Variants in MYO16 observed in about 807,000 individuals in gnomAD.
MYO16 encodes unconventional myosin-XVI.
In MYO16, 94 loss-of-function variants were observed where a neutral mutation model predicts 205.3. That is an observed-to-expected ratio of 0.46 (90% CI 0.39 to 0.54). The LOEUF is 0.54. Among genes scored for constraint, MYO16 ranks in the 20% least tolerant of loss-of-function variants. The pLI is 0.00. For missense variants in MYO16, 2,315 were observed against 2,387.5 expected, an observed-to-expected ratio of 0.97 and a Z score of 0.63; for synonymous variants, 988 against 954.0, an observed-to-expected ratio of 1.04 and a Z score of -0.66.
intron 23 of MYO16, among the ~76,000 whole-genome samples, chr13:109,028,065 G>T (rs9587755): frequency 0.017 from 2,569 of 152,114 alleles, 76 homozygotes; most frequent in African/African-American, 0.059. Context: ...GTTAGAATGT[G>T]TATTTTTATA....
chr13:108,957,847 ATT>A, intron 17 of MYO16, 48 bp downstream of exon 17: 1 of 1,409,802 alleles, frequency 7.1e-7, no homozygotes, highest in Non-Finnish European at 9.9e-7. Context: ...CCTTCTACTA[ATT>A]TATAAAAGTT....
intron 16 of MYO16, among the ~76,000 whole-genome samples, chr13:108,922,843 A>G (rs1881809607): frequency 1.3e-5 from 2 of 152,216 alleles, no homozygotes; most frequent in Admixed American, 1.3e-4. Flanking sequence ...TTAAAATGAC[A>G]ATAACCAACA....
chr13:108,763,805 G>A (rs1885691841), intron 4 of MYO16, among the ~76,000 whole-genome samples: 1 of 151,640 alleles, frequency 6.6e-6, no homozygotes, highest in Admixed American at 6.6e-5. Context: ...GTGTGTGTGT[G>A]TGTGTGTGTG....
At chr13:108,902,954 C>A (rs1286886944) in intron 15 of MYO16, among the ~76,000 whole-genome samples, 2 of 152,164 alleles carry the variant, frequency 1.3e-5, no homozygotes, top group African/African-American at 2.4e-5. Flanking sequence ...GTGATGAAAT[C>A]TCCTGCCCTC....
the MYO16 span, among the ~76,000 whole-genome samples, chr13:108,582,195 T>C: frequency 6.6e-6 from 1 of 152,218 alleles, no homozygotes; most frequent in Non-Finnish European, 1.5e-5. Flanking sequence ...GGACCTTCTC[T>C]TGACCGTTTG....
chr13:108,969,415 A>G (rs1883921674), intron 20 of MYO16, among the ~76,000 whole-genome samples: 1 of 152,218 alleles, frequency 6.6e-6, no homozygotes, highest in Non-Finnish European at 1.5e-5. Context: ...GAACCCATAC[A>G]TAGATTCCCA....
At chr13:108,886,340 T>C in intron 13 of MYO16, 1 of 451,474 alleles carries the variant, frequency 2.2e-6, no homozygotes, top group Non-Finnish European at 4.5e-6. Context: ...CCCCTTATTT[T>C]GAAAAAATAC....
intron 4 of MYO16, among the ~76,000 whole-genome samples, chr13:108,778,756 G>A (rs1886206963): frequency 6.6e-6 from 1 of 152,248 alleles, no homozygotes; most frequent in African/African-American, 2.4e-5. Context: ...ACTGGACATG[G>A]TACTTCAGCA....
At chr13:108,627,761 T>C (rs1347004452), upstream of MYO16, among the ~76,000 whole-genome samples, 1 of 152,204 alleles carries the variant, frequency 6.6e-6, no homozygotes, top group Non-Finnish European at 1.5e-5. Context: ...CTGAGTGTTA[T>C]GCTTTTTTTC....
intron 10 of MYO16, among the ~76,000 whole-genome samples, chr13:108,852,924 G>T (rs1322043110): frequency 6.6e-6 from 1 of 152,214 alleles, no homozygotes; most frequent in Admixed American, 6.5e-5. Context: ...TACAACTGGG[G>T]TTTAAACACT....
intron 7 of MYO16, among the ~76,000 whole-genome samples, chr13:108,811,241 A>G (rs780082316): frequency 2.6e-5 from 4 of 152,194 alleles, no homozygotes; most frequent in Non-Finnish European, 5.9e-5. Flanking sequence ...ACCCAAGTGT[A>G]TAAAAATTAA....
At chr13:109,087,974 A>T (rs1888490133) in intron 27 of MYO16, among the ~76,000 whole-genome samples, 1 of 152,230 alleles carries the variant, frequency 6.6e-6, no homozygotes, top group South Asian at 2.1e-4. Context: ...AATACAAGCC[A>T]TGGCTCAGCC....
At chr13:109,174,234 C>T (rs139510493) in intron 33 of MYO16, among the ~76,000 whole-genome samples, 9 of 152,064 alleles carry the variant, frequency 5.9e-5, no homozygotes, top group South Asian at 4.1e-4. Context: ...ATTCTATAAG[C>T]GGATTTGGAG....
At chr13:108,678,048 G>T (rs1310136016) in intron 2 of MYO16, among the ~76,000 whole-genome samples, 3 of 152,202 alleles carry the variant, frequency 2.0e-5, no homozygotes, top group African/African-American at 7.2e-5. Flanking sequence ...GATGATCACT[G>T]CCTCTGACAG....
intron 32 of MYO16, among the ~76,000 whole-genome samples, chr13:109,158,221 G>C (rs1020229139): frequency 1.3e-5 from 2 of 152,088 alleles, no homozygotes; most frequent in Admixed American, 1.3e-4. Flanking sequence ...TCTTGGTTTG[G>C]AGCAAGGACT....
chr13:108,566,921 A>G, the MYO16 span, among the ~76,000 whole-genome samples: 1 of 152,316 alleles, frequency 6.6e-6, no homozygotes. Flanking sequence ...CAATTAGAAC[A>G]ATTTGACTAG....
the MYO16 span, among the ~76,000 whole-genome samples, chr13:108,532,587 A>G: frequency 2.0e-5 from 3 of 151,858 alleles, no homozygotes; most frequent in Non-Finnish European, 4.4e-5. Flanking sequence ...GAACCCAGGA[A>G]TTGAAAACCA....
chr13:108,950,916 C>T (rs1450932237), intron 16 of MYO16, among the ~76,000 whole-genome samples: 2 of 152,154 alleles, frequency 1.3e-5, no homozygotes, highest in East Asian at 3.9e-4. Context: ...ACTGTGCTCC[C>T]AGTTTTTGAT....
At chr13:108,667,002 A>C (rs988601756) in intron 2 of MYO16, among the ~76,000 whole-genome samples, 7 of 152,214 alleles carry the variant, frequency 4.6e-5, no homozygotes, top group African/African-American at 1.7e-4. Flanking sequence ...ATCTAAAATG[A>C]GCATCTTCAC....
Sources: gnomAD v4.1 joint callset for allele counts (sites outside exome capture counted in the v4.1 genomes callset) on GRCh38, gnomAD v4.1.1 for gene constraint, MANE v1.5 for transcripts, NCBI Gene and HGNC (gene_info 2026-07-23, HGNC 2026-07-21) for gene names.